DLGAP2: variants seen among roughly 807,000 people sequenced by gnomAD.
DLGAP2 encodes disks large-associated protein 2.
A neutral mutation model predicts 100.3 loss-of-function variants in DLGAP2; 26 were observed. The ratio of observed to expected loss-of-function variants is 0.26; its 90% CI spans 0.19 to 0.36. DLGAP2 has a LOEUF of 0.36. Ranked by LOEUF, DLGAP2 falls within the 10% of genes least tolerant of loss-of-function variation. The pLI is 1.00. For missense variants in DLGAP2, 1,858 were observed against 1,453.2 expected (o/e 1.28, Z -4.53); for synonymous variants, 886 against 630.1 (o/e 1.41, Z -6.08).
At chr8:1,200,361 A>G (rs148131748) in intron 2 of DLGAP2, among the ~76,000 whole-genome samples, 1 of 152,296 alleles carries the variant, frequency 6.6e-6, no homozygotes, top group African/African-American at 2.4e-5. Context: ...TCATCTTCAG[A>G]GCTTGTTAAA....
intron 3 of DLGAP2, among the ~76,000 whole-genome samples, chr8:1,307,988 C>G (rs1018808228): frequency 1.3e-5 from 2 of 152,064 alleles, no homozygotes; most frequent in South Asian, 2.1e-4. Context: ...ACTACACACA[C>G]GAAATGGTTA....
At chr8:1,023,574 G>T (rs1208922306) in intron 2 of DLGAP2, among the ~76,000 whole-genome samples, 1 of 151,620 alleles carries the variant, frequency 6.6e-6, no homozygotes, top group Non-Finnish European at 1.5e-5. Context: ...CTCAGTGTGC[G>T]TGTGTTTCAG....
At chr8:1,583,478 C>T (rs1299220888) in intron 6 of DLGAP2, among the ~76,000 whole-genome samples, 4 of 152,284 alleles carry the variant, frequency 2.6e-5, no homozygotes, top group Non-Finnish European at 4.4e-5. Flanking sequence ...GCTGTGCCTC[C>T]GTAGGCAGGG....
intron 5 of DLGAP2, 49 bp downstream of exon 5, chr8:1,549,732 T>C (rs1462336249): frequency 6.8e-7 from 1 of 1,462,348 alleles, no homozygotes; most frequent in Non-Finnish European, 9.0e-7. Flanking sequence ...CAGCAGGTGG[T>C]ATTGTCGTTA....
chr8:1,583,436 A>T (rs1796011800), intron 6 of DLGAP2, among the ~76,000 whole-genome samples: 1 of 152,142 alleles, frequency 6.6e-6, no homozygotes, highest in African/African-American at 2.4e-5. Flanking sequence ...TGGCCTGGGG[A>T]TCTCCTAGCA....
chr8:1,559,192 AATTG>A (rs1406057656), intron 5 of DLGAP2, among the ~76,000 whole-genome samples: 1 of 152,188 alleles, frequency 6.6e-6, no homozygotes, highest in African/African-American at 2.4e-5. Flanking sequence ...TAATTAGGGT[AATTG>A]ATTGGCGTTA....
At chr8:1,547,141 A>G (rs1801570103) in intron 4 of DLGAP2, among the ~76,000 whole-genome samples, 1 of 152,158 alleles carries the variant, frequency 6.6e-6, no homozygotes, top group African/African-American at 2.4e-5. Context: ...CTTAAGGCTC[A>G]GCAGACTCAC....
At chr8:1,253,688 TC>T (rs1013541327) in intron 2 of DLGAP2, among the ~76,000 whole-genome samples, 5 of 152,110 alleles carry the variant, frequency 3.3e-5, no homozygotes, top group African/African-American at 1.2e-4. Context: ...CACAAAACCA[TC>T]AGACAGATTT....
At chr8:1,202,114 T>C (rs1224130551) in intron 2 of DLGAP2, among the ~76,000 whole-genome samples, 1 of 151,758 alleles carries the variant, frequency 6.6e-6, no homozygotes, top group Non-Finnish European at 1.5e-5. Context: ...GTACAGCATC[T>C]GTGTATCTGT....
At chr8:920,275 G>C (rs140311573) in intron 2 of DLGAP2, among the ~76,000 whole-genome samples, 13 of 152,340 alleles carry the variant, frequency 8.5e-5, no homozygotes, top group Non-Finnish European at 1.5e-4. Flanking sequence ...TGGGCTCCCA[G>C]CAGGACAGCA....
chr8:1,077,457 C>G (rs919856098), intron 2 of DLGAP2, among the ~76,000 whole-genome samples: 6 of 152,168 alleles, frequency 3.9e-5, no homozygotes, highest in Middle Eastern at 3.2e-3. Context: ...AAGTGAGTCA[C>G]TTTCCTATTC....
intron 2 of DLGAP2, among the ~76,000 whole-genome samples, chr8:1,061,183 G>T (rs1413858639): frequency 6.6e-6 from 1 of 152,192 alleles, no homozygotes; most frequent in African/African-American, 2.4e-5. Flanking sequence ...CTTGTTCGTG[G>T]TGAGCCATTC....
chr8:1,649,008 G>A (rs1286349165), intron 8 of DLGAP2, among the ~76,000 whole-genome samples: 2 of 152,126 alleles, frequency 1.3e-5, no homozygotes, highest in African/African-American at 2.4e-5. Flanking sequence ...CTTGGATGGC[G>A]TCTGAACACA....
intron 8 of DLGAP2, among the ~76,000 whole-genome samples, chr8:1,657,248 T>G (rs1409619979): frequency 6.6e-6 from 1 of 152,256 alleles, no homozygotes; most frequent in African/African-American, 2.4e-5. Flanking sequence ...ATTCATCTTC[T>G]TTTTAAGGAC....
chr8:1,431,449 A>C (rs7823456), intron 3 of DLGAP2, among the ~76,000 whole-genome samples: 32,278 of 152,116 alleles, frequency 0.21, 3,820 homozygotes, highest in Middle Eastern at 0.29. Flanking sequence ...GACCAGGTAG[A>C]CTCTACCCGT....
chr8:1,595,200 C>T (rs1188805575), intron 6 of DLGAP2, among the ~76,000 whole-genome samples: 2 of 152,238 alleles, frequency 1.3e-5, no homozygotes, highest in Admixed American at 1.3e-4. Flanking sequence ...GCCATCACAC[C>T]TGGCTAATTT....
intron 2 of DLGAP2, among the ~76,000 whole-genome samples, chr8:936,639 G>C (rs1240694476): frequency 6.6e-6 from 1 of 152,162 alleles, no homozygotes; most frequent in Non-Finnish European, 1.5e-5. Context: ...GTCTGAGCTG[G>C]AGCCTAGTTG....
At chr8:1,360,848 G>A (rs780293563) in intron 3 of DLGAP2, among the ~76,000 whole-genome samples, 3 of 152,206 alleles carry the variant, frequency 2.0e-5, no homozygotes, top group Non-Finnish European at 2.9e-5. Context: ...GTCTGCACAC[G>A]ACGGTGAGAT....
chr8:793,701 G>A (rs896757670), intron 1 of DLGAP2, among the ~76,000 whole-genome samples: 5 of 152,142 alleles, frequency 3.3e-5, no homozygotes, highest in African/African-American at 7.2e-5. Flanking sequence ...TTTCCCTGAC[G>A]GAGTCCACAG....
Sources: gnomAD v4.1 joint callset for allele counts (sites outside exome capture counted in the v4.1 genomes callset) on GRCh38, gnomAD v4.1.1 for gene constraint, MANE v1.5 for transcripts, NCBI Gene and HGNC (gene_info 2026-07-23, HGNC 2026-07-21) for gene names.